The following SORCS3 variants were observed in gnomAD, a reference collection of about 807,000 sequenced individuals.
The protein encoded by SORCS3 is VPS10 domain-containing receptor SorCS3.
A neutral mutation model predicts 146.3 loss-of-function variants in SORCS3; 57 were observed. The ratio of observed to expected loss-of-function variants is 0.39; its 90% CI spans 0.31 to 0.49. SORCS3 has a LOEUF of 0.49. Ranked by LOEUF, SORCS3 falls within the 20% of genes least tolerant of loss-of-function variation. SORCS3 has a pLI of 0.92. For missense variants in SORCS3, 1,341 were observed against 1,575.5 expected, an observed-to-expected ratio of 0.85 and a Z score of 2.52; for synonymous variants, 653 against 618.5, an observed-to-expected ratio of 1.06 and a Z score of -0.83.
chr10:104,833,689 A>G (rs574148387), intron 1 of SORCS3, among the ~76,000 whole-genome samples: 1 of 152,192 alleles, frequency 6.6e-6, no homozygotes, highest in African/African-American at 2.4e-5. Context: ...GTCAATCCTT[A>G]TAGCTTTAGT....
At chr10:105,179,519 C>T (rs1353152319) in intron 14 of SORCS3, among the ~76,000 whole-genome samples, 1 of 152,136 alleles carries the variant, frequency 6.6e-6, no homozygotes, top group Non-Finnish European at 1.5e-5. Context: ...TAATCATTTT[C>T]TTATAGGGGA....
chr10:105,236,898 C>T (rs181227553), intron 20 of SORCS3, among the ~76,000 whole-genome samples: 102 of 152,226 alleles, frequency 6.7e-4, no homozygotes, highest in Admixed American at 2.2e-3. Flanking sequence ...TACTGTGTAT[C>T]TCTCTGTCTC....
chr10:104,741,983 C>G (rs2016852905), intron 1 of SORCS3, among the ~76,000 whole-genome samples: 1 of 151,708 alleles, frequency 6.6e-6, no homozygotes, highest in Non-Finnish European at 1.5e-5. Flanking sequence ...TGGGATTTTC[C>G]TTGTTCTTGG....
At chr10:104,732,450 G>A (rs562160333) in intron 1 of SORCS3, among the ~76,000 whole-genome samples, 13 of 152,294 alleles carry the variant, frequency 8.5e-5, no homozygotes, top group African/African-American at 3.1e-4. Context: ...TGCTTTTAAA[G>A]ATTATAATAG....
intron 1 of SORCS3, among the ~76,000 whole-genome samples, chr10:104,816,579 G>A (rs1421508356): frequency 6.6e-6 from 1 of 152,206 alleles, no homozygotes; most frequent in Non-Finnish European, 1.5e-5. Flanking sequence ...CCAAGTGCAG[G>A]AAGTTTGTGG....
At chr10:104,874,605 C>A (rs2133570370) in intron 2 of SORCS3, among the ~76,000 whole-genome samples, 1 of 152,072 alleles carries the variant, frequency 6.6e-6, no homozygotes, top group Admixed American at 6.6e-5. Context: ...GGAAGTAAAC[C>A]TTATATGTAA....
At chr10:104,727,912 C>G (rs747739393) in intron 1 of SORCS3, among the ~76,000 whole-genome samples, 1 of 151,794 alleles carries the variant, frequency 6.6e-6, no homozygotes, top group Non-Finnish European at 1.5e-5. Flanking sequence ...ATAGTTTCAT[C>G]CTGAAACCAT....
chr10:105,184,002 C>T (rs2056459813), intron 14 of SORCS3, among the ~76,000 whole-genome samples: 1 of 152,174 alleles, frequency 6.6e-6, no homozygotes, highest in African/African-American at 2.4e-5. Flanking sequence ...CTCCCGTTTC[C>T]TCATGTGGAT....
intron 9 of SORCS3, among the ~76,000 whole-genome samples, chr10:105,156,815 G>T (rs945689882): frequency 3.3e-5 from 5 of 152,112 alleles, no homozygotes; most frequent in African/African-American, 9.7e-5. Context: ...GTTCTTGTCA[G>T]CCACTCCCAT....
chr10:104,842,454 G>A (rs1216872880), intron 1 of SORCS3, among the ~76,000 whole-genome samples: 9 of 152,152 alleles, frequency 5.9e-5, no homozygotes, highest in Non-Finnish European at 1.0e-4. Flanking sequence ...GGGTGGCCTT[G>A]GTGGTGAACA....
At chr10:104,805,057 A>G (rs1376084826) in intron 1 of SORCS3, among the ~76,000 whole-genome samples, 4 of 152,216 alleles carry the variant, frequency 2.6e-5, no homozygotes, top group African/African-American at 9.6e-5. Context: ...GCTTTCTAAT[A>G]CACCTCACTC....
intron 1 of SORCS3, among the ~76,000 whole-genome samples, chr10:104,808,833 A>G (rs749446307): frequency 1.2e-4 from 18 of 152,244 alleles, no homozygotes; most frequent in Non-Finnish European, 1.9e-4. Context: ...GTGGAGGCTC[A>G]GAGAACAGAG....
chr10:105,242,568 ATTTATATATTTATATATATTTATATATG>A (rs2056836189), intron 20 of SORCS3, among the ~76,000 whole-genome samples: 2 of 36,238 alleles, frequency 5.5e-5, no homozygotes, highest in Non-Finnish European at 9.1e-5. Flanking sequence ...ATTTATATAT[ATTTATATATTTATATATATTTATATATG>A]TTTATATACA....
intron 1 of SORCS3, among the ~76,000 whole-genome samples, chr10:104,780,491 C>T (rs186694828): frequency 6.6e-6 from 1 of 152,202 alleles, no homozygotes. Context: ...CCTGGTCTGG[C>T]ATCATGACCC....
chr10:104,927,668 C>G (rs2019162120), intron 3 of SORCS3, among the ~76,000 whole-genome samples: 1 of 147,284 alleles, frequency 6.8e-6, no homozygotes, highest in Non-Finnish European at 1.5e-5. Context: ...CACCTGAGGT[C>G]AGGAGTTCAA....
At chr10:104,947,430 T>A (rs1031769284) in intron 3 of SORCS3, among the ~76,000 whole-genome samples, 9 of 152,090 alleles carry the variant, frequency 5.9e-5, no homozygotes, top group Non-Finnish European at 1.3e-4. Context: ...CTTCATTCTC[T>A]TTCCTCTTGG....
chr10:104,913,319 T>C (rs1252531634), intron 2 of SORCS3, among the ~76,000 whole-genome samples: 1 of 152,136 alleles, frequency 6.6e-6, no homozygotes, highest in African/African-American at 2.4e-5. Context: ...GGTGTGATGA[T>C]GGAAAGGATA....
At chr10:104,818,564 G>T (rs1421622728) in intron 1 of SORCS3, among the ~76,000 whole-genome samples, 2 of 152,034 alleles carry the variant, frequency 1.3e-5, no homozygotes, top group Non-Finnish European at 2.9e-5. Flanking sequence ...TCCTGCATTA[G>T]TCCTTTCCTG....
At chr10:104,690,803 A>G (rs1472916835) in intron 1 of SORCS3, among the ~76,000 whole-genome samples, 1 of 151,724 alleles carries the variant, frequency 6.6e-6, no homozygotes, top group African/African-American at 2.4e-5. Context: ...CTGACTGTGC[A>G]TCGAGGGACC....
Sources: gnomAD v4.1 joint callset for allele counts (sites outside exome capture counted in the v4.1 genomes callset) on GRCh38, gnomAD v4.1.1 for gene constraint, MANE v1.5 for transcripts, NCBI Gene and HGNC (gene_info 2026-07-23, HGNC 2026-07-21) for gene names.